Variants in TANC2 observed in about 807,000 individuals in gnomAD.
TANC2 encodes the protein tetratricopeptide repeat, ankyrin repeat and coiled-coil containing 2.
Under a neutral mutation model 210.5 loss-of-function variants are expected in TANC2, and 26 were observed. That is an observed-to-expected ratio of 0.12 (90% CI 0.09 to 0.17). The LOEUF (loss-of-function observed/expected upper bound fraction) is 0.17, where lower values mean the gene tolerates loss of function less well. TANC2 is among the 10% of genes least tolerant of loss of function. The probability of loss-of-function intolerance (pLI) is 1.00; values close to 1 mark genes in which losing one functional copy is unlikely to be tolerated. For missense variants in TANC2, 2,129 were observed against 2,608.9 expected (o/e 0.82, Z 4.01); for synonymous variants, 931 against 967.1 (o/e 0.96, Z 0.69).
chr17:63,058,123 A>G (rs1198927000), intron 2 of TANC2, among the ~76,000 whole-genome samples: 1 of 152,102 alleles, frequency 6.6e-6, no homozygotes, highest in Non-Finnish European at 1.5e-5. Flanking sequence ...AGTAATAGGC[A>G]TTCTGACTGT....
intron 11 of TANC2, among the ~76,000 whole-genome samples, chr17:63,326,457 G>A (rs968958655): frequency 1.3e-5 from 2 of 152,154 alleles, no homozygotes; most frequent in Non-Finnish European, 2.9e-5. Context: ...TTGGTGAAGA[G>A]AAAGGCTTTC....
At chr17:63,165,140 G>T (rs1361140780) in intron 5 of TANC2, among the ~76,000 whole-genome samples, 1 of 151,970 alleles carries the variant, frequency 6.6e-6, no homozygotes, top group African/African-American at 2.4e-5. Flanking sequence ...AATTAGCCAG[G>T]CGTGGTGGCT....
At chr17:63,172,969 C>A (rs1487231013) in intron 5 of TANC2, among the ~76,000 whole-genome samples, 2 of 152,092 alleles carry the variant, frequency 1.3e-5, no homozygotes, top group Non-Finnish European at 2.9e-5. Context: ...AAATTATCTT[C>A]TTCCATGGAA....
At chr17:63,330,653 G>T (rs149355605) in intron 11 of TANC2, among the ~76,000 whole-genome samples, 1 of 152,294 alleles carries the variant, frequency 6.6e-6, no homozygotes, top group East Asian at 1.9e-4. Context: ...CTGTTTTCCA[G>T]ACTGTTAAAC....
intron 2 of TANC2, among the ~76,000 whole-genome samples, chr17:63,062,320 CA>C (rs2036024917): frequency 6.6e-6 from 1 of 152,204 alleles, no homozygotes. Context: ...TGCCTTCTAG[CA>C]CTGTTCTCCT....
rs779657078 is a variant in TANC2 at position 63,421,977 on chromosome 17, A to T, written c.*22A>T. The T allele has an allele frequency of 1.1e-5, 18 of 1,567,202 alleles. No homozygotes were observed. In the South Asian group the frequency reaches 2.1e-4, roughly 18 times the overall value. ...TTAAAAGACGTTTTGTTGGAGTGAGACCCATATGTTTTCACTGCACATTTT... is the reference window on the plus strand; with the variant it reads ...TTAAAAGACGTTTTGTTGGAGTGAGTCCCATATGTTTTCACTGCACATTTT... On this transcript the variant is annotated 3_prime_UTR_variant, in exon 28 of 28. Transcript: ENST00000689528. This position sits in a 1 kb window ranked among gnomAD's most constrained non-coding sequence, Gnocchi z 6.9.
intron 7 of TANC2, among the ~76,000 whole-genome samples, chr17:63,236,484 A>T (rs1598669528): frequency 6.6e-6 from 1 of 152,174 alleles, no homozygotes; most frequent in South Asian, 2.1e-4. Flanking sequence ...TCTACTTTAG[A>T]TTTTCTTTTA....
intron 8 of TANC2, among the ~76,000 whole-genome samples, chr17:63,259,962 G>C (rs1182767269): frequency 2.0e-5 from 3 of 152,162 alleles, no homozygotes; most frequent in African/African-American, 4.8e-5. Context: ...TTCAAGCGCA[G>C]AGAGCTGTGA....
chr17:63,233,845 T>C (rs1195380859), intron 7 of TANC2, among the ~76,000 whole-genome samples: 1 of 152,230 alleles, frequency 6.6e-6, no homozygotes, highest in Non-Finnish European at 1.5e-5. Context: ...TGTTTTTTCG[T>C]CTTTACCTGA....
intron 7 of TANC2, among the ~76,000 whole-genome samples, chr17:63,202,862 T>TTGTGTG (rs1476189216): frequency 2.6e-5 from 4 of 152,160 alleles, no homozygotes; most frequent in African/African-American, 9.6e-5. Context: ...ATGTTGTTTT[T>TTGTGTG]TGTGTGTGTT....
chr17:63,193,985 T>A lies in TANC2; in HGVS notation c.434-6T>A. 1 of 1,611,084 alleles carries A rather than the reference T, an allele frequency of 6.2e-7. No homozygotes were observed. ...ATTCATGTTCTTCAATGCCTTCTTG[T>A]TACAGGTGATGCTGAACAGGAGCTT... On this transcript the variant is annotated splice_polypyrimidine_tract_variant and splice_region_variant and intron_variant, in intron 5 of 27. Coordinates refer to ENST00000689528, the Ensembl canonical transcript of TANC2.
At chr17:63,238,101 TTGTTGC>T (rs1567842704) in intron 8 of TANC2, 24 bp downstream of exon 8, 2 of 1,511,934 alleles carry the variant, frequency 1.3e-6, no homozygotes, top group South Asian at 2.6e-5. Context: ...GTTGTTGTTG[TTGTTGC>T]TGTTGTTAAA....
chr17:63,173,212 C>A (rs931662220), intron 5 of TANC2, among the ~76,000 whole-genome samples: 8 of 152,144 alleles, frequency 5.3e-5, no homozygotes, highest in Non-Finnish European at 1.2e-4. Context: ...AAGAGAAATA[C>A]ATGAAGTTTA....
intron 4 of TANC2, among the ~76,000 whole-genome samples, chr17:63,123,158 A>G (rs2038550705): frequency 6.6e-6 from 1 of 152,244 alleles, no homozygotes; most frequent in East Asian, 1.9e-4. Flanking sequence ...TGATTATACA[A>G]TTTTAAGAAG....
intron 4 of TANC2, among the ~76,000 whole-genome samples, chr17:63,143,961 T>C (rs2039378372): frequency 6.6e-6 from 1 of 152,112 alleles, no homozygotes; most frequent in Admixed American, 6.6e-5. Context: ...GAAACCAGCC[T>C]GAACAACATA....
At chr17:63,278,109 T>C (rs2043942101) in intron 9 of TANC2, among the ~76,000 whole-genome samples, 1 of 152,142 alleles carries the variant, frequency 6.6e-6, no homozygotes, top group Admixed American at 6.6e-5. Context: ...TGAGCTATGA[T>C]TGTGTCACCA....
intron 3 of TANC2, among the ~76,000 whole-genome samples, chr17:63,098,481 TACA>T (rs540195788): frequency 0.18 from 9,060 of 49,888 alleles, 1,046 homozygotes; most frequent in African/African-American, 0.31. Context: ...CACACACACA[TACA>T]CTCTCTCTCT....
At chr17:63,013,674 A>G (rs1448707406) in intron 2 of TANC2, among the ~76,000 whole-genome samples, 1 of 150,398 alleles carries the variant, frequency 6.6e-6, no homozygotes, top group Non-Finnish European at 1.5e-5. Flanking sequence ...AGGCAGGAGA[A>G]TCGCTTGAGC....
At chr17:63,058,011 C>T (rs941602501) in intron 2 of TANC2, among the ~76,000 whole-genome samples, 1 of 152,196 alleles carries the variant, frequency 6.6e-6, no homozygotes, top group Non-Finnish European at 1.5e-5. Flanking sequence ...AATTGCCACA[C>T]TGCTTTCCAC....
Sources: gnomAD v4.1 joint callset for allele counts (sites outside exome capture counted in the v4.1 genomes callset) on GRCh38, gnomAD v4.1.1 for gene constraint, Gnocchi (gnomAD v3.1) non-coding constraint, MANE v1.5 for transcripts, NCBI Gene and HGNC (gene_info 2026-07-23, HGNC 2026-07-21) for gene names.